The following TG variants were observed in gnomAD, a reference collection of about 807,000 sequenced individuals.
TG encodes the protein thyroglobulin.
In TG, 270 loss-of-function variants were observed where a neutral mutation model predicts 324.7. That is an observed-to-expected ratio of 0.83 (90% CI 0.75 to 0.92). TG has a LOEUF of 0.92. TG is among the 40% of genes least tolerant of loss of function. TG has a pLI of 0.00. For missense variants in TG, 3,591 were observed against 3,456.4 expected, an observed-to-expected ratio of 1.04 and a Z score of -0.98; for synonymous variants, 1,401 against 1,327.0, an observed-to-expected ratio of 1.06 and a Z score of -1.21.
chr8:132,881,752 A>G, intron 5 of TG, 111 bp from the exon 6 acceptor site: 1 of 781,822 alleles, frequency 1.3e-6, no homozygotes. Flanking sequence ...GTGATAAGAA[A>G]GTAGACATTC....
At position 132,941,524 on chromosome 8, in the gene TG, C is replaced by A; in HGVS notation, c.5215C>A (p.Leu1739Ile). 1 of 1,614,198 alleles carries A rather than the reference C, an allele frequency of 6.2e-7. No homozygotes were observed. Among genetic ancestry groups the A allele is most frequent in the South Asian group, 1.1e-5 (1 of 91,088 alleles). ...TGATCTGTGTTGCGATGGCTTCGTC[C>A]TCACACAGGTTCAAGGAGGTAATGT... ...DRDLCCDGFV[L>I]TQVQGGAIIC... Residue 1739 changes from leucine (L) to isoleucine (I), a missense_variant, in exon 26 of 48, where the codon CTC (leucine) becomes ATC (isoleucine). Physicochemically the swap from Leu to Ile is conservative, Grantham distance 5 (BLOSUM62 2). Transcript: ENST00000220616.
chr8:132,913,006 G>A (rs2132390593), intron 19 of TG, 41 bp from the exon 20 acceptor site: 1 of 1,597,932 alleles, frequency 6.3e-7, no homozygotes, highest in Non-Finnish European at 8.6e-7. Flanking sequence ...CCCTAGCAGA[G>A]TACAGTGGGG....
At chr8:133,019,221 C>T (rs796342204) in intron 38 of TG, among the ~76,000 whole-genome samples, 16 of 152,238 alleles carry the variant, frequency 1.1e-4, no homozygotes, top group African/African-American at 3.8e-4. Context: ...GGACTCTGTA[C>T]TGGTGTAGAA....
intron 35 of TG, among the ~76,000 whole-genome samples, chr8:133,008,185 A>G (rs1373353884): frequency 6.6e-6 from 1 of 152,350 alleles, no homozygotes; most frequent in East Asian, 1.9e-4. Flanking sequence ...AAGTAACCCA[A>G]TGAAGCTTTC....
chr8:132,966,646 C>A lies in TG; in HGVS notation c.5635C>A (p.Leu1879Ile). The change falls in exon 30 of 48, where the codon CTT becomes ATT. Residue 1879 changes from leucine (L) to isoleucine (I), a missense_variant. Transcript: ENST00000220616. ...NQSLSSQKHW[L>I]FKHLFSAQQA... ...ATCACTATCCAGCCAGAAGCACTGG[C>A]TTTTCAAGCACCTGTTTTCAGCCCA... is the stretch of plus-strand genomic sequence containing the variant. 6.2e-7 allele frequency: 1 copy of A among 1,614,142 alleles called. No individual in the cohort carries two copies. The highest frequency in any genetic ancestry group is 8.5e-7 in the Non-Finnish European group (1 of 1,180,004).
intron 41 of TG, among the ~76,000 whole-genome samples, chr8:133,056,315 C>A (rs1841435759): frequency 6.6e-6 from 1 of 152,160 alleles, no homozygotes; most frequent in African/African-American, 2.4e-5. Context: ...TCTCATGTAC[C>A]AGCAGCGAGG....
chr8:132,901,318 G>C (rs1326505395), intron 15 of TG, 35 bp from the exon 16 acceptor site: 1 of 1,613,172 alleles, frequency 6.2e-7, no homozygotes, highest in African/African-American at 1.3e-5. Flanking sequence ...AGTGGGCACT[G>C]ATTCCCCAGC....
chr8:133,120,541 TCTC>T (rs1273151547), intron 45 of TG, among the ~76,000 whole-genome samples: 1 of 152,194 alleles, frequency 6.6e-6, no homozygotes, highest in Non-Finnish European at 1.5e-5. Context: ...CGTTCCGGCC[TCTC>T]TCTTAGCCCC....
chr8:132,883,308 A>G (rs1237992944), intron 8 of TG: 1 of 365,710 alleles, frequency 2.7e-6, no homozygotes, highest in Non-Finnish European at 5.1e-6. Flanking sequence ...CTAAAGGAGC[A>G]TGGTGAGGTG....
At chr8:132,970,518 TC>T (rs1199007057) in intron 32 of TG, among the ~76,000 whole-genome samples, 1 of 152,224 alleles carries the variant, frequency 6.6e-6, no homozygotes, top group East Asian at 1.9e-4. Context: ...TCAAGTGTCA[TC>T]CATTCATGAA....
At chr8:133,025,671 CA>C (rs755051864) in intron 40 of TG, among the ~76,000 whole-genome samples, 4 of 152,190 alleles carry the variant, frequency 2.6e-5, no homozygotes, top group Non-Finnish European at 5.9e-5. Flanking sequence ...CCCACCGTTA[CA>C]AGGTCCAACA....
chr8:132,901,229 A>T, intron 15 of TG, 124 bp from the exon 16 acceptor site: 1 of 1,129,340 alleles, frequency 8.9e-7, no homozygotes, highest in East Asian at 2.4e-5. Flanking sequence ...GCAGCCCCAG[A>T]CCCCTGGAAG....
At chr8:132,952,514 C>G (rs1453748136) in intron 27 of TG, among the ~76,000 whole-genome samples, 1 of 152,170 alleles carries the variant, frequency 6.6e-6, no homozygotes, top group Non-Finnish European at 1.5e-5. Context: ...CCAACAGAGG[C>G]ACCTATGGGA....
chr8:132,909,501 G>C (rs1210600145), intron 18 of TG, among the ~76,000 whole-genome samples: 2 of 152,170 alleles, frequency 1.3e-5, no homozygotes, highest in Non-Finnish European at 2.9e-5. Flanking sequence ...AGCTGGGCAG[G>C]GACCTAGTCC....
At chr8:132,877,094 T>A (rs1264107236) in intron 5 of TG, among the ~76,000 whole-genome samples, 1 of 152,214 alleles carries the variant, frequency 6.6e-6, no homozygotes, top group Non-Finnish European at 1.5e-5. Flanking sequence ...GGTGGTTGGC[T>A]ATGCATCAGG....
rs1815757545 is a variant in TG at position 132,888,561 on chromosome 8, C to T, written c.2754C>T (p.Leu918=). 6.2e-7 allele frequency: 1 copy of T among 1,611,028 alleles called. No individual in the cohort carries two copies. The highest frequency in any genetic ancestry group is 1.1e-5 in the South Asian group (1 of 90,622). ...LEGMRSEPSK[L]PTCPGSCEEA... is the part of the protein sequence containing the mutation. Reference sequence around the variant, plus strand: ...GAATGCGGTCTGAGCCAAGCAAGCTCCCAACATGTGAGCTAACGCATATGA... The same window carrying T: ...GAATGCGGTCTGAGCCAAGCAAGCTTCCAACATGTGAGCTAACGCATATGA... The change falls in exon 10 of 48, where the codon CTC becomes CTT. Residue 918 remains leucine, a synonymous_variant. Coordinates refer to ENST00000220616, the MANE Select transcript of TG (RefSeq NM_003235.5).
chr8:132,969,448 C>T lies in TG; in HGVS notation c.5864-10C>T. The T allele has an allele frequency of 1.3e-6, 2 of 1,586,766 alleles. No individual in the cohort carries two copies. Among genetic ancestry groups the T allele is most frequent in the Admixed American group, 3.3e-5 (2 of 59,988 alleles). ...TCTAAGTAATGTATTTTCTTTCTTC[C>T]TCTATGAAGTTATACTGGAAGATAA... On this transcript the variant is annotated splice_polypyrimidine_tract_variant and intron_variant, in intron 31 of 47. Transcript: ENST00000220616.
intron 46 of TG, 61 bp downstream of exon 46, chr8:133,132,007 G>A: frequency 6.2e-7 from 1 of 1,611,308 alleles, no homozygotes; most frequent in Non-Finnish European, 8.5e-7. Flanking sequence ...CTTCCTTCAA[G>A]CAGAACGCAA....
intron 22 of TG, among the ~76,000 whole-genome samples, chr8:132,926,909 C>T (rs1352527504): frequency 6.6e-6 from 1 of 152,180 alleles, no homozygotes; most frequent in Non-Finnish European, 1.5e-5. Flanking sequence ...TCTGAAATCT[C>T]TCCTGCTGCA....
Sources: gnomAD v4.1 joint callset for allele counts (sites outside exome capture counted in the v4.1 genomes callset) on GRCh38, gnomAD v4.1.1 for gene constraint, MANE v1.5 for transcripts, NCBI Gene and HGNC (gene_info 2026-07-23, HGNC 2026-07-21) for gene names.